Variants in CPM observed in about 807,000 individuals in gnomAD.
CPM encodes the protein renal carboxypeptidase.
CPM carries 35 observed loss-of-function variants against 46.4 expected under a neutral mutation model. The ratio of observed to expected loss-of-function variants is 0.75; its 90% confidence interval spans 0.58 to 1.00. CPM has a LOEUF of 1.00. Among genes scored for constraint, CPM ranks in the 50% least tolerant of loss-of-function variants. The probability of loss-of-function intolerance (pLI) is 0.00; values close to 1 mark genes in which losing one functional copy is unlikely to be tolerated. For missense variants in CPM, 422 were observed against 530.4 expected (o/e 0.80, Z 2.01); for synonymous variants, 195 against 195.3 (o/e 1.00, Z 0.01).
At chr12:68,866,414 G>A (rs182038681) in intron 7 of CPM, among the ~76,000 whole-genome samples, 23 of 152,220 alleles carry the variant, frequency 1.5e-4, no homozygotes, top group African/African-American at 5.1e-4. Flanking sequence ...GCTCCTTGGC[G>A]GAGGGAGCAA....
At chr12:68,864,815 T>A (rs1171784013) in intron 7 of CPM, among the ~76,000 whole-genome samples, 1 of 152,008 alleles carries the variant, frequency 6.6e-6, no homozygotes, top group Admixed American at 6.6e-5. Flanking sequence ...AGTTTGGGAC[T>A]CACCTGGACA....
At chr12:68,933,683 A>G (rs1442960903), upstream of CPM, among the ~76,000 whole-genome samples, 3 of 152,252 alleles carry the variant, frequency 2.0e-5, no homozygotes, top group Non-Finnish European at 2.9e-5. Flanking sequence ...AGGGCGAGCC[A>G]AGCTCCCAGC....
chr12:68,866,500 C>T (rs540904366), intron 7 of CPM, among the ~76,000 whole-genome samples: 3 of 152,146 alleles, frequency 2.0e-5, no homozygotes, highest in Non-Finnish European at 2.9e-5. Context: ...TGTGCCACCA[C>T]GCCTGGCTAA....
chr12:68,903,862 C>T (rs776633344), intron 2 of CPM, among the ~76,000 whole-genome samples: 8 of 151,000 alleles, frequency 5.3e-5, no homozygotes, highest in Admixed American at 2.0e-4. Context: ...CCCTTCTTCC[C>T]TCCCTCCCTT....
intron 5 of CPM, chr12:68,846,086 AATT>A (rs1246378532): frequency 6.6e-6 from 1 of 152,108 alleles, no homozygotes; most frequent in Non-Finnish European, 1.5e-5. Flanking sequence ...GAGTAGCTGG[AATT>A]ATAGGTGCTC....
rs1274561695 is a variant in CPM at position 68,856,326 on chromosome 12, C to A, written c.*111G>T. The A allele has an allele frequency of 2.1e-5, 25 of 1,166,916 alleles. No individual in the cohort carries two copies. In the East Asian group the frequency reaches 5.2e-4, roughly 24 times the overall value. 72.3% of individuals were successfully genotyped at this position (1,166,916 alleles called of 1,614,324 possible). On this transcript the variant is annotated 3_prime_UTR_variant, in exon 9 of 9. Coordinates refer to ENST00000551568, the MANE Select transcript of CPM (RefSeq NM_198320.5). ...ATCCATTTCTCTTCTTCAGGAAGAT[C>A]GTGGAGTTTCTCCAGTCAAGGTCCC...
intron 1 of CPM, among the ~76,000 whole-genome samples, chr12:68,950,036 A>G (rs1163944031): frequency 6.6e-6 from 1 of 152,144 alleles, no homozygotes; most frequent in East Asian, 1.9e-4. Flanking sequence ...CAGAGGATGC[A>G]GTGTGCTTGG....
intron 6 of CPM, among the ~76,000 whole-genome samples, chr12:68,868,445 C>T (rs1885551334): frequency 6.6e-6 from 1 of 152,196 alleles, no homozygotes; most frequent in African/African-American, 2.4e-5. Flanking sequence ...CGCAGAAATG[C>T]ATGCCGCAAC....
chr12:68,877,697 C>G (rs1264468947), intron 3 of CPM, among the ~76,000 whole-genome samples: 1 of 144,438 alleles, frequency 6.9e-6, no homozygotes, highest in Non-Finnish European at 1.5e-5. Flanking sequence ...GGACATTTTA[C>G]TATCACCTGA....
chr12:68,864,162 G>A (rs1378906093), intron 7 of CPM, among the ~76,000 whole-genome samples: 3 of 152,112 alleles, frequency 2.0e-5, no homozygotes, highest in Non-Finnish European at 4.4e-5. Flanking sequence ...TAATGCAAAT[G>A]GGCTGGGCAT....
chr12:68,884,340 G>A (rs896306130), intron 3 of CPM, among the ~76,000 whole-genome samples: 7 of 151,986 alleles, frequency 4.6e-5, no homozygotes, highest in Admixed American at 1.3e-4. Context: ...CCCCAAAATC[G>A]GGTTCAAAAA....
At chr12:68,895,412 AG>A (rs1389578814) in intron 2 of CPM, among the ~76,000 whole-genome samples, 2 of 152,202 alleles carry the variant, frequency 1.3e-5, no homozygotes, top group Non-Finnish European at 2.9e-5. Flanking sequence ...GGTGACAGGG[AG>A]CAGAGTCACA....
At chr12:68,892,171 G>A (rs1182236913) in intron 2 of CPM, among the ~76,000 whole-genome samples, 1 of 152,162 alleles carries the variant, frequency 6.6e-6, no homozygotes, top group African/African-American at 2.4e-5. Context: ...ATGCTGTACT[G>A]CTAATCACCT....
At chr12:68,929,438 T>C (rs1888412737) in intron 2 of CPM, among the ~76,000 whole-genome samples, 1 of 152,220 alleles carries the variant, frequency 6.6e-6, no homozygotes, top group Admixed American at 6.5e-5. Flanking sequence ...TGATGAACAC[T>C]GTACCTTTTC....
At position 68,932,663 on chromosome 12, in the gene CPM, C is replaced by T; in HGVS notation, c.160+15G>A. The T allele has an allele frequency of 6.2e-7, 1 of 1,612,606 alleles. No individual in the cohort carries two copies. Among genetic ancestry groups the T allele is most frequent in the African/African-American group, 1.3e-5 (1 of 75,004 alleles). On this transcript the variant is annotated intron_variant, in intron 2 of 8. Coordinates refer to ENST00000551568, the MANE Select transcript of CPM (RefSeq NM_198320.5). ...GACTGAGGGTTTGGCAAAGTGTTCA[C>T]GAGACGGACCCTACCTTTCACAGAT...
chr12:68,850,448 C>T (rs1884616750), downstream of CPM: 2 of 152,074 alleles, frequency 1.3e-5, no homozygotes, highest in South Asian at 4.2e-4. Flanking sequence ...AAAATTGGTA[C>T]CTGTAATTTA....
chr12:68,947,332 C>G (rs939770259), intron 1 of CPM, among the ~76,000 whole-genome samples: 11 of 152,204 alleles, frequency 7.2e-5, no homozygotes, highest in African/African-American at 2.4e-4. Context: ...TGCAATGGCT[C>G]ATGCCTGTAA....
At chr12:68,857,977 T>C (rs1031520904) in intron 8 of CPM, among the ~76,000 whole-genome samples, 2 of 152,156 alleles carry the variant, frequency 1.3e-5, no homozygotes, top group Non-Finnish European at 2.9e-5. Flanking sequence ...TCGGCAGGAG[T>C]AGAAATTCCT....
intron 2 of CPM, among the ~76,000 whole-genome samples, chr12:68,898,271 C>T (rs12313664): frequency 6.6e-6 from 1 of 152,090 alleles, no homozygotes; most frequent in African/African-American, 2.4e-5. Context: ...CTGCACAGCC[C>T]TATTGTCTAT....
Sources: gnomAD v4.1 joint callset for allele counts (sites outside exome capture counted in the v4.1 genomes callset) on GRCh38, gnomAD v4.1.1 for gene constraint, MANE v1.5 for transcripts, NCBI Gene and HGNC (gene_info 2026-07-23, HGNC 2026-07-21) for gene names.